ELMO1: variants seen among roughly 807,000 people sequenced by gnomAD.
The protein encoded by ELMO1 is engulfment and cell motility protein 1.
Under a neutral mutation model 98.9 loss-of-function variants are expected in ELMO1, and 26 were observed. That is an observed-to-expected ratio of 0.26 (90% CI 0.19 to 0.36). The LOEUF is 0.36. Ranked by LOEUF, ELMO1 falls within the 10% of genes least tolerant of loss-of-function variation. ELMO1 has a pLI of 1.00. For synonymous variants in ELMO1, 346 were observed against 346.0 expected (o/e 1.00, Z 0.00); for missense variants, 627 against 935.2 (o/e 0.67, Z 4.30).
At chr7:37,081,788 G>A (rs1281087760) in intron 15 of ELMO1, among the ~76,000 whole-genome samples, 2 of 152,052 alleles carry the variant, frequency 1.3e-5, no homozygotes, top group Admixed American at 1.3e-4. Flanking sequence ...GGACTAATAC[G>A]ATGTGCATTA....
At chr7:37,117,195 C>T in intron 14 of ELMO1, 1 of 172,406 alleles carries the variant, frequency 5.8e-6, no homozygotes. Flanking sequence ...TTGGATTTTT[C>T]TGCAATGCTG....
At chr7:37,252,475 T>C (rs140829151) in intron 6 of ELMO1, among the ~76,000 whole-genome samples, 1,669 of 152,210 alleles carry the variant, frequency 0.011, 36 homozygotes, top group African/African-American at 0.039. Flanking sequence ...AAACAAGCAA[T>C]GGGGAAAGGA....
chr7:37,449,016 G>C (rs1464140983), upstream of ELMO1: 1 of 152,290 alleles, frequency 6.6e-6, no homozygotes, highest in Non-Finnish European at 1.5e-5. Context: ...TGCAGCCGCC[G>C]CCCCCGGCAC....
chr7:37,323,752 T>G (rs993772242), intron 2 of ELMO1, among the ~76,000 whole-genome samples: 1 of 152,184 alleles, frequency 6.6e-6, no homozygotes, highest in African/African-American at 2.4e-5. Flanking sequence ...TTCTTTTTCC[T>G]TTGCCCATAA....
chr7:37,359,019 T>C (rs1279460600), intron 1 of ELMO1, among the ~76,000 whole-genome samples: 1 of 152,344 alleles, frequency 6.6e-6, no homozygotes, highest in African/African-American at 2.4e-5. Context: ...ACCAGGATTA[T>C]GGCTTCTATA....
At chr7:36,908,548 G>GT (rs1554354404) in intron 16 of ELMO1, among the ~76,000 whole-genome samples, 20 of 142,608 alleles carry the variant, frequency 1.4e-4, no homozygotes, top group South Asian at 1.3e-3. Context: ...GTTAAGATTT[G>GT]TTATTTTTTT....
chr7:37,304,365 G>A (rs1037156943), intron 4 of ELMO1, among the ~76,000 whole-genome samples: 7 of 151,434 alleles, frequency 4.6e-5, no homozygotes, highest in South Asian at 2.2e-4. Context: ...GTGTGTGTGC[G>A]TGTGTGTGTG....
In ELMO1 at chr7:37,274,084, G is replaced by C. The variant is rs140021700; in HGVS notation, c.193-2202C>G. On this transcript the variant is annotated intron_variant, in intron 4 of 21. Coordinates refer to ENST00000310758, the MANE Select transcript of ELMO1 (RefSeq NM_014800.11). ...CCCCTGATGCACTGGGTCACCTCCGGAGAGAGCTAGCTCATTGTTACTAGA... is the reference window on the plus strand; with the variant it reads ...CCCCTGATGCACTGGGTCACCTCCGCAGAGAGCTAGCTCATTGTTACTAGA... Among the ~76,000 whole-genome samples the C allele has an allele frequency of 7.2e-5, 11 of 152,276 alleles. No individual in the cohort carries two copies. In the East Asian group the frequency reaches 2.1e-3, roughly 29 times the overall value.
intron 4 of ELMO1, among the ~76,000 whole-genome samples, chr7:37,304,243 C>A (rs922525792): frequency 2.0e-5 from 3 of 152,086 alleles, no homozygotes; most frequent in African/African-American, 7.2e-5. Flanking sequence ...GACACCAGGG[C>A]AAAAGAGGGG....
intron 14 of ELMO1, among the ~76,000 whole-genome samples, chr7:37,125,760 C>T (rs527514288): frequency 1.2e-4 from 19 of 152,260 alleles, no homozygotes; most frequent in African/African-American, 4.6e-4. Context: ...GAATCGAGAA[C>T]TAGAAATACC....
At chr7:37,004,015 T>G (rs1792872212) in intron 16 of ELMO1, among the ~76,000 whole-genome samples, 1 of 152,214 alleles carries the variant, frequency 6.6e-6, no homozygotes, top group Non-Finnish European at 1.5e-5. Flanking sequence ...TTTGGAAATG[T>G]GTTCTTAACC....
intron 13 of ELMO1, among the ~76,000 whole-genome samples, chr7:37,192,515 C>G (rs1025512023): frequency 1.0e-5 from 1 of 95,860 alleles, no homozygotes; most frequent in African/African-American, 3.8e-5. Context: ...AAAAAAAAAA[C>G]TGGGCCGGGC....
chr7:37,434,869 G>A (rs933628777), intron 1 of ELMO1, among the ~76,000 whole-genome samples: 15 of 152,224 alleles, frequency 9.9e-5, no homozygotes, highest in African/African-American at 1.4e-4. Flanking sequence ...TGTTGTAGGC[G>A]CCCTGAGCAT....
At chr7:37,204,935 C>A (rs1039461895) in intron 13 of ELMO1, among the ~76,000 whole-genome samples, 1 of 152,168 alleles carries the variant, frequency 6.6e-6, no homozygotes, top group Admixed American at 6.5e-5. Context: ...TTCTCCAAGT[C>A]CCCTACCTGA....
At chr7:37,026,425 G>T (rs6964418) in intron 15 of ELMO1, among the ~76,000 whole-genome samples, 14,684 of 152,184 alleles carry the variant, frequency 0.096, 784 homozygotes, top group Middle Eastern at 0.19. Context: ...GCCAAGGATT[G>T]CTCATTGAAC....
rs1802025802 is a variant in ELMO1, at chr7:36,854,077, A to C, written c.*1474T>G. Among the ~76,000 whole-genome samples, 1 of 150,014 alleles carries C rather than the reference A, an allele frequency of 6.7e-6. No homozygotes were observed. Among genetic ancestry groups the C allele is most frequent in the Non-Finnish European group, 1.5e-5 (1 of 67,706 alleles). On this transcript the variant is annotated 3_prime_UTR_variant, in exon 22 of 22. Coordinates refer to ENST00000310758, the MANE Select transcript of ELMO1 (RefSeq NM_014800.11). ...AGTCATGGTCAAGAGACAGCAATGTAAAAGGAATAGATATTTTCATACAGT... is the reference window on the plus strand; with the variant it reads ...AGTCATGGTCAAGAGACAGCAATGTCAAAGGAATAGATATTTTCATACAGT...
chr7:37,213,532 G>A (rs1462846458), intron 11 of ELMO1, 75 bp from the exon 12 acceptor site: 1 of 1,410,920 alleles, frequency 7.1e-7, no homozygotes, highest in East Asian at 2.5e-5. Context: ...CACTCAAGAA[G>A]GCTCTCACAG....
At chr7:37,054,188 GAAATT>G (rs1390296990) in intron 15 of ELMO1, among the ~76,000 whole-genome samples, 1 of 152,168 alleles carries the variant, frequency 6.6e-6, no homozygotes, top group Non-Finnish European at 1.5e-5. Flanking sequence ...ATTTTTGGTA[GAAATT>G]AAATTTAGTA....
chr7:37,213,845 A>T (rs1367957549), intron 11 of ELMO1, among the ~76,000 whole-genome samples: 1 of 152,232 alleles, frequency 6.6e-6, no homozygotes, highest in East Asian at 1.9e-4. Context: ...ACCCATAGGA[A>T]GCAATTTTGC....
Sources: gnomAD v4.1 joint callset for allele counts (sites outside exome capture counted in the v4.1 genomes callset) on GRCh38, gnomAD v4.1.1 for gene constraint, MANE v1.5 for transcripts, NCBI Gene and HGNC (gene_info 2026-07-23, HGNC 2026-07-21) for gene names.